Variants in MDFIC observed in about 807,000 individuals in gnomAD.
MDFIC encodes myoD family inhibitor domain-containing protein.
In MDFIC, 17 loss-of-function variants were observed where a neutral mutation model predicts 23.2. The observed-to-expected ratio is 0.73, with a 90% CI of 0.50 to 1.10. The LOEUF (loss-of-function observed/expected upper bound fraction) is 1.10. MDFIC is among the 50% of genes least tolerant of loss of function. The pLI is 0.00. For missense variants in MDFIC, 356 were observed against 316.6 expected (o/e 1.12, Z -0.95); for synonymous variants, 120 against 115.2 (o/e 1.04, Z -0.27).
chr7:114,939,613 C>T (rs770013808), intron 2 of MDFIC, among the ~76,000 whole-genome samples: 17 of 152,064 alleles, frequency 1.1e-4, no homozygotes, highest in Admixed American at 2.0e-4. Context: ...TATAGTTGTG[C>T]ATCTATGTGT....
At chr7:114,997,664 C>G (rs1791364039) in intron 4 of MDFIC, among the ~76,000 whole-genome samples, 1 of 151,154 alleles carries the variant, frequency 6.6e-6, no homozygotes, top group African/African-American at 2.4e-5. Context: ...AGGAGCATCA[C>G]TTGAATCCAG....
At chr7:115,011,843 ATCTC>A (rs1161621490) in intron 4 of MDFIC, among the ~76,000 whole-genome samples, 11 of 152,064 alleles carry the variant, frequency 7.2e-5, no homozygotes, top group Non-Finnish European at 1.6e-4. Context: ...GTCACATCCA[ATCTC>A]TCTCTCCTAA....
chr7:114,992,726 T>TGTG (rs1791204177), intron 4 of MDFIC, among the ~76,000 whole-genome samples: 1 of 152,234 alleles, frequency 6.6e-6, no homozygotes, highest in Non-Finnish European at 1.5e-5. Flanking sequence ...ATAAGCTTTT[T>TGTG]GATGTGCTTC....
chr7:114,930,860 A>G (rs1338875647), intron 2 of MDFIC, among the ~76,000 whole-genome samples: 1 of 152,202 alleles, frequency 6.6e-6, no homozygotes, highest in African/African-American at 2.4e-5. Context: ...CGTGATTTCT[A>G]TGTTTCTACT....
intron 4 of MDFIC, among the ~76,000 whole-genome samples, chr7:114,995,369 G>C (rs566628111): frequency 3.3e-5 from 5 of 152,322 alleles, no homozygotes; most frequent in Admixed American, 6.5e-5. Flanking sequence ...TCTCCATCCA[G>C]CTTTGTTCCA....
intron 4 of MDFIC, chr7:115,014,372 A>G: frequency 1.6e-6 from 2 of 1,284,734 alleles, no homozygotes; most frequent in Admixed American, 2.3e-5. Context: ...TTGCAGTTAT[A>G]TGGCATTCTA....
chr7:114,975,324 C>T (rs1399046310), intron 3 of MDFIC, among the ~76,000 whole-genome samples: 1 of 151,946 alleles, frequency 6.6e-6, no homozygotes, highest in African/African-American at 2.4e-5. Context: ...TTCTATTGTC[C>T]CTTTATAACG....
At chr7:115,002,046 A>G (rs530953305) in intron 4 of MDFIC, among the ~76,000 whole-genome samples, 2 of 152,256 alleles carry the variant, frequency 1.3e-5, no homozygotes, top group African/African-American at 4.8e-5. Flanking sequence ...CTGAGGCAGG[A>G]GACTTGCTTG....
In MDFIC at chr7:115,015,817, T is replaced by G; in HGVS notation, c.623T>G (p.Met208Arg). ...EACCCCCGDEMGDDCNCPCDM... is the reference protein window; with the variant it reads ...EACCCCCGDERGDDCNCPCDM... ...TGCTGCTGTTGCTGTGGTGACGAGA[T>G]GGGGGATGATTGTAACTGCCCTTGT... Residue 208 changes from methionine to arginine, a missense_variant, in exon 5 of 5, where the codon ATG (methionine) becomes AGG (arginine). Coordinates refer to ENST00000393486, the MANE Select transcript of MDFIC (RefSeq NM_001166345.3). 1.2e-6 allele frequency: 2 copies of G among 1,614,206 alleles called. No homozygotes were observed. The highest frequency in any genetic ancestry group is 1.7e-6 in the Non-Finnish European group (2 of 1,180,042).
chr7:114,955,167 G>A (rs1283808992), intron 3 of MDFIC, among the ~76,000 whole-genome samples: 1 of 152,164 alleles, frequency 6.6e-6, no homozygotes, highest in Non-Finnish European at 1.5e-5. Context: ...CTGGCTCTAA[G>A]TTGTACCCCA....
intron 4 of MDFIC, among the ~76,000 whole-genome samples, chr7:114,989,797 T>C (rs1793574367): frequency 6.6e-6 from 1 of 152,200 alleles, no homozygotes; most frequent in East Asian, 1.9e-4. Context: ...AAAGCCTTTC[T>C]CAAATCCCTA....
chr7:114,995,152 T>C (rs1192616012), intron 4 of MDFIC, among the ~76,000 whole-genome samples: 1 of 152,256 alleles, frequency 6.6e-6, no homozygotes. Flanking sequence ...CTACTGAAGC[T>C]TGTGCATTCA....
intron 3 of MDFIC, among the ~76,000 whole-genome samples, chr7:114,947,976 A>G (rs1376157019): frequency 1.3e-5 from 2 of 152,138 alleles, no homozygotes; most frequent in African/African-American, 4.8e-5. Flanking sequence ...TCATGGCTGC[A>G]TTGAGTTACA....
chr7:114,936,745 A>G (rs895270443), intron 2 of MDFIC, among the ~76,000 whole-genome samples: 3 of 152,144 alleles, frequency 2.0e-5, no homozygotes, highest in African/African-American at 7.2e-5. Context: ...CTGAATATCT[A>G]TCTCTGAGAC....
At chr7:114,942,815 C>A (rs1019792806) in intron 3 of MDFIC, among the ~76,000 whole-genome samples, 1 of 152,130 alleles carries the variant, frequency 6.6e-6, no homozygotes, top group Admixed American at 6.5e-5. Context: ...TATTTTATCA[C>A]TGTTTGTTAA....
chr7:114,927,292 A>G (rs1308254179), intron 2 of MDFIC, among the ~76,000 whole-genome samples: 1 of 149,530 alleles, frequency 6.7e-6, no homozygotes, highest in Non-Finnish European at 1.5e-5. Flanking sequence ...CTCTAAAAGG[A>G]TATGTTATAG....
chr7:114,977,673 G>A (rs568009446), intron 3 of MDFIC, among the ~76,000 whole-genome samples: 121 of 152,020 alleles, frequency 8.0e-4, no homozygotes, highest in South Asian at 1.7e-3. Flanking sequence ...AACACAACAG[G>A]TGAATATTCA....
chr7:114,927,545 A>G (rs933338702), intron 2 of MDFIC, among the ~76,000 whole-genome samples: 2 of 152,132 alleles, frequency 1.3e-5, no homozygotes, highest in African/African-American at 2.4e-5. Context: ...ATACAAATAT[A>G]TTTTTAACAA....
At chr7:114,993,119 A>G (rs1791223499) in intron 4 of MDFIC, among the ~76,000 whole-genome samples, 2 of 151,788 alleles carry the variant, frequency 1.3e-5, no homozygotes, top group Non-Finnish European at 2.9e-5. Flanking sequence ...TTTCTTCTAG[A>G]TTTTCTAGTT....
Sources: gnomAD v4.1 joint callset for allele counts (sites outside exome capture counted in the v4.1 genomes callset) on GRCh38, gnomAD v4.1.1 for gene constraint, MANE v1.5 for transcripts, NCBI Gene and HGNC (gene_info 2026-07-23, HGNC 2026-07-21) for gene names.